NXPH1: variants seen among roughly 807,000 people sequenced by gnomAD.
NXPH1 encodes neurexophilin-1.
NXPH1 carries 5 observed loss-of-function variants against 23.7 expected under a neutral mutation model. The ratio of observed to expected loss-of-function variants is 0.21; its 90% CI spans 0.11 to 0.44. The LOEUF (loss-of-function observed/expected upper bound fraction) is 0.44, where lower values mean the gene tolerates loss of function less well. Among genes scored for constraint, NXPH1 ranks in the 20% least tolerant of loss-of-function variants. The pLI, the probability that NXPH1 is intolerant of heterozygous loss-of-function variation, is 0.99. For missense variants in NXPH1, 324 were observed against 321.6 expected (o/e 1.01, Z -0.06); for synonymous variants, 144 against 122.2 (o/e 1.18, Z -1.18).
At chr7:8,744,527 C>T (rs1378098933) in intron 2 of NXPH1, among the ~76,000 whole-genome samples, 1 of 152,136 alleles carries the variant, frequency 6.6e-6, no homozygotes, top group African/African-American at 2.4e-5. Context: ...ATATTCTTAG[C>T]ATACTTCTTT....
At chr7:8,479,083 T>C (rs1318802823) in intron 2 of NXPH1, among the ~76,000 whole-genome samples, 2 of 152,142 alleles carry the variant, frequency 1.3e-5, no homozygotes, top group East Asian at 3.8e-4. Context: ...CTGGTTAACA[T>C]ATATTGTTTA....
intron 2 of NXPH1, among the ~76,000 whole-genome samples, chr7:8,510,625 A>C (rs762055198): frequency 4.1e-4 from 63 of 152,270 alleles, no homozygotes; most frequent in Non-Finnish European, 8.5e-4. Flanking sequence ...TGTGGGCACA[A>C]AAGCATGGAA....
chr7:8,641,945 C>T (rs1380807186), intron 2 of NXPH1, among the ~76,000 whole-genome samples: 1 of 152,114 alleles, frequency 6.6e-6, no homozygotes, highest in Non-Finnish European at 1.5e-5. Context: ...AGGGAGTTTA[C>T]CTATAAGCTT....
At chr7:8,633,032 A>T (rs1320575808) in intron 2 of NXPH1, among the ~76,000 whole-genome samples, 1 of 152,240 alleles carries the variant, frequency 6.6e-6, no homozygotes, top group Admixed American at 6.5e-5. Context: ...TACTTCATGA[A>T]ATTTTACAAA....
intron 2 of NXPH1, among the ~76,000 whole-genome samples, chr7:8,590,797 T>C (rs1819077504): frequency 6.6e-6 from 1 of 152,048 alleles, no homozygotes; most frequent in Non-Finnish European, 1.5e-5. Flanking sequence ...TTTATTTAGT[T>C]TTTTTGCTAA....
intron 2 of NXPH1, among the ~76,000 whole-genome samples, chr7:8,556,115 A>C (rs368470672): frequency 2.0e-5 from 3 of 151,700 alleles, no homozygotes; most frequent in African/African-American, 7.2e-5. Flanking sequence ...AACAGCAGGC[A>C]CTTAGCCCAT....
chr7:8,726,459 A>G (rs1780055274), intron 2 of NXPH1, among the ~76,000 whole-genome samples: 1 of 148,220 alleles, frequency 6.7e-6, no homozygotes, highest in African/African-American at 2.5e-5. Flanking sequence ...AGCATTAGGT[A>G]TATCTCCCAA....
At chr7:8,492,180 G>A (rs564734595) in intron 2 of NXPH1, among the ~76,000 whole-genome samples, 41 of 152,094 alleles carry the variant, frequency 2.7e-4, no homozygotes, top group Non-Finnish European at 4.9e-4. Flanking sequence ...ATTGTGATCC[G>A]ACATTAGAAT....
intron 2 of NXPH1, among the ~76,000 whole-genome samples, chr7:8,563,001 T>C (rs28612416): frequency 0.17 from 25,495 of 151,642 alleles, 3,916 homozygotes; most frequent in African/African-American, 0.41. Flanking sequence ...CAGTAGATAA[T>C]TAAGTTATGA....
At chr7:8,464,984 C>T (rs1204827891) in intron 2 of NXPH1, among the ~76,000 whole-genome samples, 2 of 152,026 alleles carry the variant, frequency 1.3e-5, no homozygotes, top group South Asian at 2.1e-4. Context: ...CTTTGGGAAA[C>T]AAATCTGGCA....
intron 2 of NXPH1, among the ~76,000 whole-genome samples, chr7:8,723,209 G>A (rs756530591): frequency 6.6e-6 from 1 of 152,156 alleles, no homozygotes. Flanking sequence ...CTGTTTCAAA[G>A]CAATTATTAT....
At chr7:8,626,330 C>T (rs573399115) in intron 2 of NXPH1, among the ~76,000 whole-genome samples, 1 of 151,962 alleles carries the variant, frequency 6.6e-6, no homozygotes, top group South Asian at 2.1e-4. Context: ...TGTTGAACCT[C>T]ATGGACTATA....
At chr7:8,555,195 C>T (rs1159635885) in intron 2 of NXPH1, among the ~76,000 whole-genome samples, 14 of 151,814 alleles carry the variant, frequency 9.2e-5, no homozygotes, top group South Asian at 6.2e-4. Context: ...AAAACTAACA[C>T]GCAACTGATA....
chr7:8,718,236 A>G (rs1285879854), intron 2 of NXPH1, among the ~76,000 whole-genome samples: 2 of 152,204 alleles, frequency 1.3e-5, no homozygotes, highest in African/African-American at 4.8e-5. Context: ...TGATTAAAAC[A>G]TAGTTATGTG....
At chr7:8,712,906 G>A (rs376365169) in intron 2 of NXPH1, among the ~76,000 whole-genome samples, 18 of 152,032 alleles carry the variant, frequency 1.2e-4, no homozygotes, top group African/African-American at 3.9e-4. Flanking sequence ...AGTCTTCTTT[G>A]GGTTAAATCT....
intron 2 of NXPH1, among the ~76,000 whole-genome samples, chr7:8,480,412 T>C (rs1454533030): frequency 6.6e-6 from 1 of 152,176 alleles, no homozygotes; most frequent in African/African-American, 2.4e-5. Context: ...AAATCTATCT[T>C]TACCTGGGTA....
At chr7:8,508,326 T>A in intron 2 of NXPH1, among the ~76,000 whole-genome samples, 1 of 152,148 alleles carries the variant, frequency 6.6e-6, no homozygotes, top group East Asian at 1.9e-4. Flanking sequence ...TAGTTGGCTA[T>A]GTTGAGTACA....
chr7:8,714,073 AG>A (rs752740081), intron 2 of NXPH1, among the ~76,000 whole-genome samples: 10 of 152,202 alleles, frequency 6.6e-5, no homozygotes, highest in Non-Finnish European at 1.5e-4. Flanking sequence ...TCTAGGATCC[AG>A]GGTCTAGAGT....
chr7:8,626,997 C>T (rs10085720), intron 2 of NXPH1, among the ~76,000 whole-genome samples: 42,337 of 151,938 alleles, frequency 0.28, 6,382 homozygotes, highest in African/African-American at 0.36. Flanking sequence ...ATCCTGTGAA[C>T]GCCTCTGACT....
Sources: gnomAD v4.1 joint callset for allele counts (sites outside exome capture counted in the v4.1 genomes callset) on GRCh38, gnomAD v4.1.1 for gene constraint, MANE v1.5 for transcripts, NCBI Gene and HGNC (gene_info 2026-07-23, HGNC 2026-07-21) for gene names.